The following SGPL1 variants were observed in gnomAD, a reference collection of about 807,000 sequenced individuals.
SGPL1 encodes the protein sphingosine-1-phosphate lyase 1, also known as SP-lyase 1.
A neutral mutation model predicts 68.9 loss-of-function variants in SGPL1; 37 were observed. The observed-to-expected ratio is 0.54, with a 90% CI of 0.41 to 0.71. SGPL1 has a LOEUF of 0.71. Among genes scored for constraint, SGPL1 ranks in the 30% least tolerant of loss-of-function variants. The pLI, the probability that SGPL1 is intolerant of heterozygous loss-of-function variation, is 0.00. For synonymous variants in SGPL1, 236 were observed against 248.5 expected (o/e 0.95, Z 0.47); for missense variants, 551 against 704.6 (o/e 0.78, Z 2.47).
Position 70,880,703 on chromosome 10 carries a change from T to G in SGPL1, c.*3368T>G, listed in dbSNP as rs1349944713. 6.6e-6 allele frequency: 1 copy of G among 152,248 alleles called. No individual in the cohort carries two copies. Among genetic ancestry groups the G allele is most frequent in the Non-Finnish European group, 1.5e-5 (1 of 68,040 alleles). The allele number at this position is 152,248 out of a possible 1,614,324, so 9.4% of individuals were successfully genotyped here. ...GTCATTCAGATAACCCAGCTTTTCC[T>G]TTTGGCTTTTAGCCCATTCAGACTT... On this transcript the variant is annotated 3_prime_UTR_variant, in exon 15 of 15. Coordinates refer to ENST00000373202, the MANE Select transcript of SGPL1 (RefSeq NM_003901.4).
chr10:70,865,318 C>T (rs748324193), intron 7 of SGPL1, among the ~76,000 whole-genome samples: 10 of 139,590 alleles, frequency 7.2e-5, no homozygotes, highest in Non-Finnish European at 1.6e-4. Context: ...TCTCCCTGCA[C>T]TCACCCTTTT....
intron 2 of SGPL1, among the ~76,000 whole-genome samples, chr10:70,817,557 C>G (rs745435435): frequency 2.6e-5 from 4 of 152,190 alleles, no homozygotes; most frequent in Non-Finnish European, 5.9e-5. Context: ...CTTGCTTCAG[C>G]CTCTGGAGTA....
chr10:70,854,743 T>C lies in SGPL1; in HGVS notation c.297T>C (p.Ile99=), dbSNP rs768821978. 1.9e-6 allele frequency: 3 copies of C among 1,613,520 alleles called. No individual in the cohort carries two copies. The highest frequency in any genetic ancestry group is 2.2e-5 in the East Asian group (1 of 44,886). The change falls in exon 5 of 15, where the codon ATT becomes ATC. Residue 99 remains isoleucine (I), a synonymous_variant. Transcript: ENST00000373202. ...AGTTGAACAAGACCAAGGATGATAT[T>C]AGCAAGAACATGTCATTCCTGAAAG... ...QDKLNKTKDD[I]SKNMSFLKVD...
At chr10:70,859,333 A>G (rs1445014316) in intron 6 of SGPL1, 38 bp from the exon 7 acceptor site, 1 of 1,365,444 alleles carries the variant, frequency 7.3e-7, no homozygotes. Flanking sequence ...GTATAGTGTA[A>G]TAGTTTTGAT....
chr10:70,819,376 A>T (rs1036428230), intron 2 of SGPL1, among the ~76,000 whole-genome samples: 1 of 152,250 alleles, frequency 6.6e-6, no homozygotes, highest in Admixed American at 6.5e-5. Context: ...AAAAGTTGTC[A>T]TTCATTCCTT....
chr10:70,832,804 G>A (rs1845566497), intron 2 of SGPL1, among the ~76,000 whole-genome samples: 1 of 152,090 alleles, frequency 6.6e-6, no homozygotes, highest in African/African-American at 2.4e-5. Flanking sequence ...CCTTAGGCTG[G>A]GAGTCTATTT....
At chr10:70,854,672 T>C (rs781021355) in intron 4 of SGPL1, 36 bp from the exon 5 acceptor site, 4 of 1,586,276 alleles carry the variant, frequency 2.5e-6, no homozygotes, top group Non-Finnish European at 3.4e-6. Context: ...ACTGTACTCT[T>C]GCATCTGGAT....
chr10:70,819,466 C>G (rs1321921667), intron 2 of SGPL1, among the ~76,000 whole-genome samples: 1 of 152,062 alleles, frequency 6.6e-6, no homozygotes, highest in Non-Finnish European at 1.5e-5. Flanking sequence ...GCACACTAAC[C>G]CATCATTCTA....
Position 70,868,421 on chromosome 10 carries a change from A to G in SGPL1, c.692A>G (p.Lys231Arg). The change falls in exon 8 of 15, where the codon AAA becomes AGA. Residue 231 changes from lysine to arginine, a missense_variant. Transcript: ENST00000373202. ...GATCTGGCCTTTGAGAAGGGGATCA[A>G]AACTCCAGAAATGTATGTATGTGTG... is the stretch of plus-strand genomic sequence containing the variant. ...YRDLAFEKGI[K>R]TPEIVAPQSA... 6.2e-7 allele frequency: 1 copy of G among 1,613,566 alleles called. No homozygotes were observed. The highest frequency in any genetic ancestry group is 8.5e-7 in the Non-Finnish European group (1 of 1,179,566).
intron 3 of SGPL1, 67 bp from the exon 4 acceptor site, chr10:70,851,076 G>T: frequency 8.1e-7 from 1 of 1,230,886 alleles, no homozygotes; most frequent in South Asian, 1.2e-5. Flanking sequence ...CACATTGAAT[G>T]GTTGCTATAT....
chr10:70,855,972 C>A lies in SGPL1; in HGVS notation c.409+1117C>A, dbSNP rs375922628. Among the ~76,000 whole-genome samples, 722 of 151,806 alleles carry A rather than the reference C, an allele frequency of 4.8e-3. 5 individuals are homozygous for A. The highest frequency in any genetic ancestry group is 0.016 in the African/African-American group (648 of 41,340). On this transcript the variant is annotated intron_variant, in intron 5 of 14. Transcript: ENST00000373202. ...TTCTATTCTAGGAGCCAACCAGGAG[C>A]CATGTTGCATTTTGACAAATACCCT... is the stretch of plus-strand genomic sequence containing the variant.
At position 70,874,210 on chromosome 10, in the gene SGPL1, T is replaced by C. The variant is rs1846345539; in HGVS notation, c.1298+621T>C. Among the ~76,000 whole-genome samples the C allele has an allele frequency of 1.3e-5, 2 of 152,212 alleles. 1 individual carries two copies. Among genetic ancestry groups the C allele is most frequent in the South Asian group, 4.1e-4 (2 of 4,832 alleles). ...TTAACATCTTATCTGCCCATCTCTC[T>C]ATGTGTCACTTGGATTGGGGAGGCT... On this transcript the variant is annotated intron_variant, in intron 12 of 14. Transcript: ENST00000373202.
intron 2 of SGPL1, among the ~76,000 whole-genome samples, chr10:70,830,582 C>G (rs550753143): frequency 6.6e-6 from 1 of 152,284 alleles, no homozygotes; most frequent in Admixed American, 6.5e-5. Context: ...CTTGTTCTCA[C>G]CTACAGGAGA....
intron 2 of SGPL1, among the ~76,000 whole-genome samples, chr10:70,821,380 A>G (rs1392724201): frequency 2.0e-5 from 3 of 152,188 alleles, no homozygotes; most frequent in African/African-American, 7.2e-5. Flanking sequence ...AAGCCAGTCT[A>G]CCCCTTAGGT....
At chr10:70,846,835 A>G (rs1845799599) in intron 3 of SGPL1, among the ~76,000 whole-genome samples, 1 of 152,240 alleles carries the variant, frequency 6.6e-6, no homozygotes, top group Admixed American at 6.5e-5. Flanking sequence ...TGAAATATGT[A>G]TACATTGTGA....
chr10:70,845,360 G>A (rs1845775352), intron 3 of SGPL1, among the ~76,000 whole-genome samples: 1 of 152,112 alleles, frequency 6.6e-6, no homozygotes, highest in Non-Finnish European at 1.5e-5. Flanking sequence ...CACTTACATG[G>A]TGACCATTTG....
intron 5 of SGPL1, among the ~76,000 whole-genome samples, chr10:70,855,611 G>C (rs1845951677): frequency 6.6e-6 from 1 of 152,196 alleles, no homozygotes; most frequent in South Asian, 2.1e-4. Context: ...GTTTTATAGT[G>C]CCTGGCATAT....
chr10:70,835,114 C>T (rs1165379373), intron 2 of SGPL1, among the ~76,000 whole-genome samples: 1 of 152,150 alleles, frequency 6.6e-6, no homozygotes, highest in East Asian at 1.9e-4. Context: ...ATCCTAGGAT[C>T]TTGCAAAACA....
intron 3 of SGPL1, among the ~76,000 whole-genome samples, chr10:70,848,881 A>G (rs1364270862): frequency 2.0e-5 from 3 of 152,172 alleles, no homozygotes; most frequent in Non-Finnish European, 2.9e-5. Flanking sequence ...GCTTCCGTCT[A>G]ACTGGAATTT....
Sources: gnomAD v4.1 joint callset for allele counts (sites outside exome capture counted in the v4.1 genomes callset) on GRCh38, gnomAD v4.1.1 for gene constraint, MANE v1.5 for transcripts, NCBI Gene and HGNC (gene_info 2026-07-23, HGNC 2026-07-21) for gene names.